The following SEC11A variants were observed in gnomAD, a reference collection of about 807,000 sequenced individuals.
SEC11A encodes SEC11 homolog A, signal peptidase complex subunit.
Under a neutral mutation model 25.6 loss-of-function variants are expected in SEC11A, and 14 were observed. The ratio of observed to expected loss-of-function variants is 0.55; its 90% CI spans 0.36 to 0.85. The LOEUF is 0.85. Among genes scored for constraint, SEC11A ranks in the 40% least tolerant of loss-of-function variants. The pLI is 0.01. For missense variants in SEC11A, 153 were observed against 222.9 expected (o/e 0.69, Z 2.00); for synonymous variants, 83 against 76.4 (o/e 1.09, Z -0.45).
Position 84,716,014 on chromosome 15 carries a change from G to A in SEC11A, c.51+11C>T, listed in dbSNP as rs1315213776. The A allele has an allele frequency of 1.2e-6, 2 of 1,612,752 alleles. No individual in the cohort carries two copies. Among genetic ancestry groups the A allele is most frequent in the Admixed American group, 1.7e-5 (1 of 59,870 alleles). ...GAAGAGCCAGGAGAAAAAGAGGACG[G>A]ACAAGCTCACCTGCCGCTTGTTCAT... On this transcript the variant is annotated intron_variant, in intron 1 of 5. Coordinates refer to ENST00000268220, the MANE Select transcript of SEC11A (RefSeq NM_014300.4).
In SEC11A at chr15:84,715,157, G is replaced by GA. The variant is rs571298799; in HGVS notation, c.51+867dup. Among the ~76,000 whole-genome samples the GA allele has an allele frequency of 9.9e-5, 15 of 151,162 alleles. No individual in the cohort carries two copies. In the South Asian group the frequency reaches 1.5e-3, roughly 15 times the overall value. ...TAAGTACAAAAAATGCAAGTCCAAG[G>GA]AAAAAAAATCCTTAATGGTGACATC... is the stretch of plus-strand genomic sequence containing the variant. On this transcript the variant is annotated intron_variant, in intron 1 of 5. Coordinates refer to ENST00000268220, the MANE Select transcript of SEC11A (RefSeq NM_014300.4).
At chr15:84,670,673 C>T in intron 5 of SEC11A, 52 bp downstream of exon 5, 1 of 922,548 alleles carries the variant, frequency 1.1e-6, no homozygotes, top group Non-Finnish European at 1.7e-6. Flanking sequence ...AGCCACTGTG[C>T]CTGGCCCAAA....
At chr15:84,710,409 G>A (rs1596085468) in intron 1 of SEC11A, among the ~76,000 whole-genome samples, 1 of 152,078 alleles carries the variant, frequency 6.6e-6, no homozygotes, top group African/African-American at 2.4e-5. Flanking sequence ...CAAGGCAGGC[G>A]GATCACTTGA....
intron 4 of SEC11A, among the ~76,000 whole-genome samples, chr15:84,679,484 T>C (rs1897228339): frequency 6.6e-6 from 1 of 152,222 alleles, no homozygotes; most frequent in African/African-American, 2.4e-5. Flanking sequence ...TAGCAACTCA[T>C]ACTTCCTTCT....
intron 1 of SEC11A, among the ~76,000 whole-genome samples, chr15:84,705,291 G>T (rs1206363540): frequency 6.6e-6 from 1 of 152,080 alleles, no homozygotes; most frequent in Non-Finnish European, 1.5e-5. Context: ...ACTTATATTA[G>T]ATTTTCCCTG....
chr15:84,714,373 G>A (rs1201108776), intron 1 of SEC11A, among the ~76,000 whole-genome samples: 5 of 152,098 alleles, frequency 3.3e-5, no homozygotes, highest in Admixed American at 2.6e-4. Context: ...CCACAGTACA[G>A]CCAATACTCA....
intron 1 of SEC11A, among the ~76,000 whole-genome samples, chr15:84,714,187 T>C (rs376117462): frequency 6.6e-6 from 1 of 152,200 alleles, no homozygotes; most frequent in African/African-American, 2.4e-5. Flanking sequence ...AGCTAGTATC[T>C]GTATTTTTAG....
intron 1 of SEC11A, among the ~76,000 whole-genome samples, chr15:84,708,733 A>G (rs925465986): frequency 6.6e-6 from 1 of 151,968 alleles, no homozygotes; most frequent in Admixed American, 6.6e-5. Context: ...GACTGCAGTG[A>G]GCTGTAATCG....
At chr15:84,710,673 T>A (rs1036996367) in intron 1 of SEC11A, among the ~76,000 whole-genome samples, 4 of 152,052 alleles carry the variant, frequency 2.6e-5, no homozygotes, top group African/African-American at 9.7e-5. Flanking sequence ...TGCTACACTT[T>A]AAATAGGATA....
intron 4 of SEC11A, among the ~76,000 whole-genome samples, chr15:84,675,314 T>C (rs1567033430): frequency 1.3e-5 from 2 of 152,166 alleles, no homozygotes; most frequent in Non-Finnish European, 2.9e-5. Flanking sequence ...GCTGAGGAAG[T>C]AGCCTCAGAA....
chr15:84,709,009 G>T (rs188138235), intron 1 of SEC11A, among the ~76,000 whole-genome samples: 115 of 152,046 alleles, frequency 7.6e-4, no homozygotes, highest in Admixed American at 1.6e-3. Context: ...TGGCCTGCGG[G>T]GAGCTAAGCA....
intron 3 of SEC11A, among the ~76,000 whole-genome samples, chr15:84,683,098 T>C (rs184480722): frequency 1.1e-4 from 17 of 152,044 alleles, no homozygotes; most frequent in Admixed American, 1.1e-3. Flanking sequence ...AATGCAAATA[T>C]ATACAGAGAA....
chr15:84,714,018 C>CTTTTTTT lies in SEC11A; in HGVS notation c.51+2000_51+2006dup, dbSNP rs34873142. ...AAATCCACATCCTGCCATATACCTT[C>CTTTTTTT]TTTTTTTTTTTTTTTTTTTTTTGAG... On this transcript the variant is annotated intron_variant, in intron 1 of 5. Transcript: ENST00000268220. 9.0e-5 allele frequency among the ~76,000 whole-genome samples: 9 copies of CTTTTTTT among 100,424 alleles called. 1 individual carries two copies. The highest frequency in any genetic ancestry group is 9.3e-5 in the Non-Finnish European group (5 of 53,562). 65.9% of individuals were successfully genotyped at this position (100,424 alleles called of 152,430 possible).
chr15:84,709,750 T>C, intron 1 of SEC11A, among the ~76,000 whole-genome samples: 1 of 150,112 alleles, frequency 6.7e-6, no homozygotes, highest in East Asian at 2.0e-4. Flanking sequence ...GCCTCTTCTG[T>C]TCATTTTTTT....
At chr15:84,702,807 T>C (rs1321803846) in intron 1 of SEC11A, among the ~76,000 whole-genome samples, 1 of 152,164 alleles carries the variant, frequency 6.6e-6, no homozygotes, top group Non-Finnish European at 1.5e-5. Context: ...CACTGGCAAA[T>C]TCCACCAGAC....
chr15:84,676,475 T>C (rs1897137276), intron 4 of SEC11A, among the ~76,000 whole-genome samples: 1 of 151,872 alleles, frequency 6.6e-6, no homozygotes, highest in Non-Finnish European at 1.5e-5. Flanking sequence ...TTTTTTTTTT[T>C]TTTAATGCAT....
intron 1 of SEC11A, among the ~76,000 whole-genome samples, chr15:84,705,184 C>T (rs1312610162): frequency 1.3e-5 from 2 of 152,198 alleles, no homozygotes; most frequent in Admixed American, 6.5e-5. Flanking sequence ...CCAGGCTTCC[C>T]AAAGTGCTGG....
chr15:84,683,683 C>T (rs1897337999), intron 3 of SEC11A, among the ~76,000 whole-genome samples: 1 of 152,010 alleles, frequency 6.6e-6, no homozygotes. Flanking sequence ...CACCACCATG[C>T]CCAGTTAATT....
rs1390030843 is a variant in SEC11A, at chr15:84,716,020, C to T, written c.51+5G>A. ...CCAGGAGAAAAAGAGGACGGACAAG[C>T]TCACCTGCCGCTTGTTCATCCGCCG... On this transcript the variant is annotated splice_donor_5th_base_variant and intron_variant, in intron 1 of 5. Transcript: ENST00000268220. The T allele has an allele frequency of 1.9e-6, 3 of 1,613,284 alleles. No individual in the cohort carries two copies. The highest frequency in any genetic ancestry group is 1.7e-6 in the Non-Finnish European group (2 of 1,179,542).
Sources: gnomAD v4.1 joint callset for allele counts (sites outside exome capture counted in the v4.1 genomes callset) on GRCh38, gnomAD v4.1.1 for gene constraint, MANE v1.5 for transcripts, NCBI Gene and HGNC (gene_info 2026-07-23, HGNC 2026-07-21) for gene names.